CELF2: variants seen among roughly 807,000 people sequenced by gnomAD.
CELF2 encodes the protein CUG triplet repeat RNA-binding protein 2.
In CELF2, 8 loss-of-function variants were observed where a neutral mutation model predicts 62.6. The ratio of observed to expected loss-of-function variants is 0.13; its 90% CI spans 0.07 to 0.23. The LOEUF is 0.23. Ranked by LOEUF, CELF2 falls within the 10% of genes least tolerant of loss-of-function variation. The pLI is 1.00. For synonymous variants in CELF2, 258 were observed against 250.0 expected (o/e 1.03, Z -0.30); for missense variants, 333 against 671.0 (o/e 0.50, Z 5.56).
At chr10:10,530,499 T>C in the CELF2 span, among the ~76,000 whole-genome samples, 1 of 152,214 alleles carries the variant, frequency 6.6e-6, no homozygotes. Flanking sequence ...AATGCCTAAC[T>C]TTCTGGGAAC....
the CELF2 span, among the ~76,000 whole-genome samples, chr10:10,732,837 T>A: frequency 6.6e-6 from 1 of 152,170 alleles, no homozygotes; most frequent in South Asian, 2.1e-4. Context: ...AATTCTTTTT[T>A]GTGGAAAAGT....
chr10:10,582,402 A>C, the CELF2 span, among the ~76,000 whole-genome samples: 1 of 152,182 alleles, frequency 6.6e-6, no homozygotes, highest in Admixed American at 6.5e-5. Flanking sequence ...AATGCCTGAG[A>C]TAGTTTTCCG....
chr10:10,633,797 AT>A, the CELF2 span, among the ~76,000 whole-genome samples: 1 of 151,842 alleles, frequency 6.6e-6, no homozygotes, highest in Non-Finnish European at 1.5e-5. Flanking sequence ...GTACTGATAT[AT>A]TTTTTGTGAT....
the CELF2 span, among the ~76,000 whole-genome samples, chr10:10,657,057 A>G: frequency 2.6e-5 from 4 of 152,206 alleles, no homozygotes; most frequent in African/African-American, 7.2e-5. Flanking sequence ...TAAATGTTGT[A>G]TATTCATATG....
At chr10:10,589,082 G>A in the CELF2 span, among the ~76,000 whole-genome samples, 2 of 152,172 alleles carry the variant, frequency 1.3e-5, no homozygotes, top group Admixed American at 6.5e-5. Context: ...ATACATTTTA[G>A]GGAGACAGGA....
intron 1 of CELF2, among the ~76,000 whole-genome samples, chr10:10,862,663 G>A (rs2060114715): frequency 6.6e-6 from 1 of 152,198 alleles, no homozygotes; most frequent in Non-Finnish European, 1.5e-5. Context: ...CATGGGCCCT[G>A]CCCTTCAACA....
At chr10:10,726,527 C>G in the CELF2 span, among the ~76,000 whole-genome samples, 1 of 152,186 alleles carries the variant, frequency 6.6e-6, no homozygotes, top group African/African-American at 2.4e-5. Context: ...GCCTTTCTCT[C>G]TCCCGCTTTT....
chr10:10,662,744 C>T, the CELF2 span, among the ~76,000 whole-genome samples: 3 of 152,168 alleles, frequency 2.0e-5, no homozygotes, highest in African/African-American at 7.2e-5. Flanking sequence ...GAGAAATAGG[C>T]AAGAGCCTTG....
chr10:10,787,226 T>TCACACA, the CELF2 span, among the ~76,000 whole-genome samples: 9 of 143,952 alleles, frequency 6.3e-5, no homozygotes, highest in African/African-American at 2.3e-4. Flanking sequence ...AGGTTTGATG[T>TCACACA]CACACACACA....
At chr10:10,971,681 G>C (rs760174743) in intron 2 of CELF2, among the ~76,000 whole-genome samples, 87 of 152,282 alleles carry the variant, frequency 5.7e-4, no homozygotes, top group Non-Finnish European at 1.1e-3. Flanking sequence ...GTGCCTCCCA[G>C]GTTCAAGCAA....
Position 11,075,642 on chromosome 10 carries a change from G to A in CELF2, c.74+57479G>A, listed in dbSNP as rs2071638264. ...AGGGTCTACAGTGAATGTTGGTTTA[G>A]CGTTCACTTAGAGACTTGTCTTTGG... On this transcript the variant is annotated intron_variant, in intron 1 of 12. Coordinates refer to ENST00000633077, the MANE Select transcript of CELF2 (RefSeq NM_001326342.2). This position sits in a 1 kb window ranked among gnomAD's most constrained non-coding sequence, Gnocchi z 5.4. Among the ~76,000 whole-genome samples, 2 of 152,120 alleles carry A rather than the reference G, an allele frequency of 1.3e-5. No homozygotes were observed. The highest frequency in any genetic ancestry group is 4.8e-5 in the African/African-American group (2 of 41,424).
chr10:10,823,546 C>A lies in CELF2; in HGVS notation c.53+24729C>A, dbSNP rs377452954. Among the ~76,000 whole-genome samples the A allele has an allele frequency of 6.6e-5, 10 of 151,890 alleles. No homozygotes were observed. In the East Asian group the frequency reaches 1.2e-3, roughly 18 times the overall value. The stretch of plus-strand genomic sequence containing the variant: ...AGGGCTTTTGTTATCTGAGCTGTGT[C>A]TGTATGTGTATCTGTGTATGCATGT... On this transcript the variant is annotated intron_variant, in intron 1 of 13. Coordinates refer to the CELF2 transcript ENST00000636488.
chr10:10,798,086 A>G (rs2054267188), upstream of CELF2, among the ~76,000 whole-genome samples: 1 of 152,182 alleles, frequency 6.6e-6, no homozygotes, highest in Admixed American at 6.5e-5. Flanking sequence ...GAAAGCCAGC[A>G]AAGGGTGGGG....
chr10:10,878,731 A>C (rs1486181569), intron 1 of CELF2, among the ~76,000 whole-genome samples: 1 of 152,146 alleles, frequency 6.6e-6, no homozygotes, highest in East Asian at 1.9e-4. Context: ...TTTCCAATTC[A>C]AATTGAGATC....
chr10:10,498,163 T>C, the CELF2 span, among the ~76,000 whole-genome samples: 1 of 152,080 alleles, frequency 6.6e-6, no homozygotes, highest in Non-Finnish European at 1.5e-5. Flanking sequence ...GAGATAAGGA[T>C]GGCCATGAAT....
At chr10:11,020,174 C>T (rs748785526) in intron 1 of CELF2, among the ~76,000 whole-genome samples, 2 of 152,190 alleles carry the variant, frequency 1.3e-5, no homozygotes, top group Non-Finnish European at 2.9e-5. Context: ...AACGTGACTT[C>T]CACCTCACTT....
At chr10:11,014,215 G>A (rs1464529275), upstream of CELF2, among the ~76,000 whole-genome samples, 1 of 152,220 alleles carries the variant, frequency 6.6e-6, no homozygotes, top group African/African-American at 2.4e-5. Context: ...CCAGAAATGA[G>A]AAGGAAAAAG....
Position 11,321,434 on chromosome 10 carries a change from A to G in CELF2, c.1294+48A>G, listed in dbSNP as rs766160258. The G allele has an allele frequency of 1.3e-6, 2 of 1,499,308 alleles. No individual in the cohort carries two copies. The highest frequency in any genetic ancestry group is 2.3e-5 in the South Asian group (2 of 88,226). 92.9% of individuals were successfully genotyped at this position (1,499,308 alleles called of 1,614,324 possible). A position where few individuals can be genotyped will look rare whatever the true frequency, so the allele number is the denominator to read the frequency against. ...GGCAGGGCCCAGCCCAACAGGCAGC[A>G]CTGGCCTCTAGAGCACGGTTAGAAG... On this transcript the variant is annotated intron_variant, in intron 11 of 12. Transcript: ENST00000633077. The surrounding 1 kb of genome is among the most constrained non-coding windows in gnomAD (Gnocchi z 6.2).
At chr10:10,493,440 T>C in the CELF2 span, among the ~76,000 whole-genome samples, 18 of 151,958 alleles carry the variant, frequency 1.2e-4, no homozygotes, top group African/African-American at 3.4e-4. Context: ...AAATTTTATA[T>C]ATACTTTACC....
Sources: gnomAD v4.1 joint callset for allele counts (sites outside exome capture counted in the v4.1 genomes callset) on GRCh38, gnomAD v4.1.1 for gene constraint, Gnocchi (gnomAD v3.1) non-coding constraint, MANE v1.5 for transcripts, NCBI Gene and HGNC (gene_info 2026-07-23, HGNC 2026-07-21) for gene names.